JARID2: variants seen among roughly 807,000 people sequenced by gnomAD.
The protein encoded by JARID2 is protein Jumonji.
JARID2 carries 21 observed loss-of-function variants against 125.6 expected under a neutral mutation model. That is an observed-to-expected ratio of 0.17 (90% CI 0.12 to 0.24). The LOEUF (loss-of-function observed/expected upper bound fraction) is 0.24, where lower values mean the gene tolerates loss of function less well. JARID2 is among the 10% of genes least tolerant of loss of function. The probability of loss-of-function intolerance (pLI) is 1.00; values close to 1 mark genes in which losing one functional copy is unlikely to be tolerated. For synonymous variants in JARID2, 736 were observed against 661.6 expected, an observed-to-expected ratio of 1.11 and a Z score of -1.73; for missense variants, 1,303 against 1,639.6, an observed-to-expected ratio of 0.79 and a Z score of 3.55.
chr6:15,384,706 A>AC (rs1438006625), intron 2 of JARID2, among the ~76,000 whole-genome samples: 1 of 151,260 alleles, frequency 6.6e-6, no homozygotes. Flanking sequence ...TCCCGCCCCA[A>AC]CCCCCCGAAC....
intron 4 of JARID2, among the ~76,000 whole-genome samples, chr6:15,459,651 C>T (rs575663287): frequency 7.9e-5 from 12 of 152,290 alleles, no homozygotes; most frequent in African/African-American, 7.2e-5. Flanking sequence ...CCAGCTGAAT[C>T]GGCCACAGGT....
intron 4 of JARID2, among the ~76,000 whole-genome samples, chr6:15,458,748 T>C (rs777072283): frequency 2.0e-5 from 3 of 152,238 alleles, no homozygotes; most frequent in Non-Finnish European, 4.4e-5. Flanking sequence ...TGACATTTGC[T>C]GCGGGTCTCC....
intron 2 of JARID2, among the ~76,000 whole-genome samples, chr6:15,385,458 T>A (rs1222112438): frequency 6.6e-6 from 1 of 151,676 alleles, no homozygotes; most frequent in Non-Finnish European, 1.5e-5. Context: ...TGTGCGTGCG[T>A]TTATTCTAAT....
At chr6:15,346,890 C>T (rs1763260994) in intron 1 of JARID2, among the ~76,000 whole-genome samples, 2 of 151,956 alleles carry the variant, frequency 1.3e-5, no homozygotes, top group African/African-American at 4.8e-5. Flanking sequence ...TGCTTGCCAC[C>T]ACACCCATCT....
intron 3 of JARID2, among the ~76,000 whole-genome samples, chr6:15,413,016 TTTTTTTG>T (rs1482132732): frequency 0.011 from 1,069 of 93,414 alleles, 91 homozygotes; most frequent in African/African-American, 0.016. Context: ...TTGTTTTTTT[TTTTTTTG>T]TTTTTTTTTT....
At position 15,392,787 on chromosome 6, in the gene JARID2, T is replaced by C. The variant is rs146957223; in HGVS notation, c.182-17437T>C. ...GTAACCTCCACCTCCCAGGTTCAAG[T>C]AATTCTCATGCCTCATCCTCCCAGG... On this transcript the variant is annotated intron_variant, in intron 2 of 17. Coordinates refer to ENST00000341776, the MANE Select transcript of JARID2 (RefSeq NM_004973.4). Among the ~76,000 whole-genome samples, 1,113 of 150,864 alleles carry C rather than the reference T, an allele frequency of 7.4e-3. 15 individuals are homozygous for C. The highest frequency in any genetic ancestry group is 0.026 in the African/African-American group (1,054 of 40,990).
intron 2 of JARID2, chr6:15,400,804 C>G (rs755385113): frequency 1.1e-5 from 14 of 1,243,668 alleles, no homozygotes; most frequent in African/African-American, 1.5e-5. Context: ...GTCCTATTGC[C>G]GCGCGGAATC....
chr6:15,362,989 A>G (rs1025858656), intron 1 of JARID2, among the ~76,000 whole-genome samples: 1 of 151,998 alleles, frequency 6.6e-6, no homozygotes, highest in Non-Finnish European at 1.5e-5. Flanking sequence ...TGTGGTGGGG[A>G]GGGAGGAGAT....
At chr6:15,435,443 G>A (rs1767161753) in intron 3 of JARID2, among the ~76,000 whole-genome samples, 1 of 152,170 alleles carries the variant, frequency 6.6e-6, no homozygotes, top group Non-Finnish European at 1.5e-5. Flanking sequence ...TCCTGTTAGA[G>A]CCCCATTTTA....
intron 1 of JARID2, among the ~76,000 whole-genome samples, chr6:15,298,237 C>T (rs1464844397): frequency 6.6e-6 from 1 of 152,106 alleles, no homozygotes; most frequent in Non-Finnish European, 1.5e-5. Context: ...TTCCGCTCTC[C>T]TATGCTTGCA....
At chr6:15,309,069 C>T (rs1258967388) in intron 1 of JARID2, among the ~76,000 whole-genome samples, 1 of 152,184 alleles carries the variant, frequency 6.6e-6, no homozygotes, top group Non-Finnish European at 1.5e-5. Flanking sequence ...TAAGTAGCTG[C>T]AAGATTGATG....
At chr6:15,452,286 C>T in intron 4 of JARID2, 111 bp downstream of exon 4, 1 of 1,453,324 alleles carries the variant, frequency 6.9e-7, no homozygotes, top group Non-Finnish European at 9.1e-7. Flanking sequence ...TTTCTGTCCC[C>T]AACCTGGGTT....
intron 1 of JARID2, among the ~76,000 whole-genome samples, chr6:15,322,669 G>C (rs1262444456): frequency 1.3e-5 from 2 of 152,140 alleles, no homozygotes; most frequent in Non-Finnish European, 2.9e-5. Context: ...TAAGCCACTG[G>C]CTGACCCAAA....
intron 1 of JARID2, among the ~76,000 whole-genome samples, chr6:15,302,474 C>G (rs1435645704): frequency 6.6e-6 from 1 of 151,852 alleles, no homozygotes; most frequent in African/African-American, 2.4e-5. Flanking sequence ...TAGTTCAAAG[C>G]CTAATGGTGT....
intron 2 of JARID2, among the ~76,000 whole-genome samples, chr6:15,388,861 T>A (rs935496935): frequency 1.3e-5 from 2 of 152,108 alleles, no homozygotes; most frequent in Admixed American, 6.6e-5. Flanking sequence ...TTCAGCTCTT[T>A]CTGTGTATAC....
chr6:15,433,925 T>G (rs1286765683), intron 3 of JARID2, among the ~76,000 whole-genome samples: 11 of 46,860 alleles, frequency 2.3e-4, no homozygotes, highest in African/African-American at 1.4e-3. Flanking sequence ...CTCCAGGGTG[T>G]GTGTGTGTGT....
At chr6:15,493,094 C>G (rs1770234099) in intron 6 of JARID2, among the ~76,000 whole-genome samples, 1 of 151,844 alleles carries the variant, frequency 6.6e-6, no homozygotes, top group Non-Finnish European at 1.5e-5. Flanking sequence ...CATTGCTAGC[C>G]ATGAACTCAG....
intron 1 of JARID2, chr6:15,248,571 G>A (rs1311464375): frequency 2.0e-5 from 3 of 151,308 alleles, no homozygotes; most frequent in East Asian, 1.9e-4. Context: ...CTGCCTGCGG[G>A]CTCCGACGCA....
In JARID2 at chr6:15,472,618, G is replaced by T. The variant is rs112369189; in HGVS notation, c.670+3900G>T. Among the ~76,000 whole-genome samples, 369 of 152,312 alleles carry T rather than the reference G, an allele frequency of 2.4e-3. 1 individual carries two copies. The highest frequency in any genetic ancestry group is 8.5e-3 in the African/African-American group (355 of 41,558). On this transcript the variant is annotated intron_variant, in intron 5 of 17. Transcript: ENST00000341776. The stretch of plus-strand genomic sequence containing the variant: ...GAACTACCATCTTGGGAGAAGCCAT[G>T]GGGCTGTGCAGTCTGTTTGCCTGCA...
Sources: allele counts gnomAD v4.1 joint callset (sites outside exome capture counted in the v4.1 genomes callset), GRCh38; gene constraint gnomAD v4.1.1; transcripts MANE v1.5; gene names NCBI Gene and HGNC (gene_info 2026-07-23, HGNC 2026-07-21).